The following SHROOM4 variants were observed in gnomAD, a reference collection of about 807,000 sequenced individuals.
SHROOM4 encodes the protein shroom family member 4, also known as protein Shroom4.
Under a neutral mutation model 80.3 loss-of-function variants are expected in SHROOM4, and 17 were observed. The ratio of observed to expected loss-of-function variants is 0.21; its 90% CI spans 0.14 to 0.32. The LOEUF is 0.32. SHROOM4 is among the 10% of genes least tolerant of loss of function. SHROOM4 has a pLI of 1.00. For missense variants in SHROOM4, 993 were observed against 1,140.3 expected, an observed-to-expected ratio of 0.87 and a Z score of 1.86; for synonymous variants, 400 against 437.5, an observed-to-expected ratio of 0.91 and a Z score of 1.07.
chrX:50,667,908 A>C (rs1932739523), intron 2 of SHROOM4, among the ~76,000 whole-genome samples: 1 of 111,423 alleles, frequency 9.0e-6, no homozygotes. Flanking sequence ...CACTATCCAG[A>C]GGACTGGGAG....
At chrX:50,604,695 T>C (rs1489728882) in intron 6 of SHROOM4, among the ~76,000 whole-genome samples, 7 of 112,097 alleles carry the variant, frequency 6.2e-5, no homozygotes, top group Non-Finnish European at 1.3e-4. Context: ...TACACATCCC[T>C]GCATCATATT....
chrX:50,745,252 C>T (rs1199816890), intron 1 of SHROOM4, among the ~76,000 whole-genome samples: 1 of 111,057 alleles, frequency 9.0e-6, no homozygotes, highest in Non-Finnish European at 1.9e-5. Context: ...ATATTCACTA[C>T]TATAATCTCT....
intron 6 of SHROOM4, among the ~76,000 whole-genome samples, chrX:50,605,858 A>G (rs1395724879): frequency 1.8e-5 from 2 of 112,622 alleles, no homozygotes; most frequent in African/African-American, 6.5e-5. Flanking sequence ...TGTCTGGTAT[A>G]TAAGAAATAC....
intron 1 of SHROOM4, among the ~76,000 whole-genome samples, chrX:50,801,261 G>GGAGAGAGAGAGAGAGAGAGAGAGGGA (rs1936113251): frequency 1.2e-5 from 1 of 81,530 alleles, no homozygotes; most frequent in African/African-American, 4.7e-5. Context: ...GAGAGAAAGA[G>GGAGAGAGAGAGAGAGAGAGAGAGGGA]GAGAGAGAGA....
At chrX:50,776,316 C>T (rs1466918148) in intron 1 of SHROOM4, among the ~76,000 whole-genome samples, 3 of 111,262 alleles carry the variant, frequency 2.7e-5, no homozygotes, top group Non-Finnish European at 5.7e-5. Context: ...CATATATATA[C>T]GTATATTTTA....
chrX:50,761,719 C>T (rs1371006558), intron 1 of SHROOM4, among the ~76,000 whole-genome samples: 2 of 111,054 alleles, frequency 1.8e-5, no homozygotes, highest in African/African-American at 3.3e-5. Context: ...TGCACCACCA[C>T]GCCTGGCTTT....
intron 2 of SHROOM4, among the ~76,000 whole-genome samples, chrX:50,666,103 C>G (rs781905377): frequency 8.9e-6 from 1 of 111,944 alleles, no homozygotes; most frequent in South Asian, 3.8e-4. Context: ...GAGTCAAACA[C>G]AGAGACTGAA....
chrX:50,795,154 T>TC (rs55719618), intron 1 of SHROOM4, among the ~76,000 whole-genome samples: 1 of 7,808 alleles, frequency 1.3e-4, no homozygotes, highest in African/African-American at 1.5e-4. Flanking sequence ...ATGATATATA[T>TC]ATATATATAT....
chrX:50,750,496 A>G (rs782437995), intron 1 of SHROOM4, among the ~76,000 whole-genome samples: 6 of 111,995 alleles, frequency 5.4e-5, no homozygotes, highest in Non-Finnish European at 1.1e-4. Context: ...TCCTGACCTC[A>G]GGTGATCCAC....
intron 5 of SHROOM4, among the ~76,000 whole-genome samples, chrX:50,612,882 A>T (rs557422023): frequency 1.8e-5 from 2 of 111,373 alleles, no homozygotes; most frequent in South Asian, 7.6e-4. Context: ...CCATAATACC[A>T]TCATTATCAT....
chrX:50,599,018 G>GTGTGTA (rs1416612292), intron 7 of SHROOM4, among the ~76,000 whole-genome samples: 2 of 108,236 alleles, frequency 1.8e-5, no homozygotes, highest in Non-Finnish European at 3.8e-5. Flanking sequence ...TTGTGTGTGT[G>GTGTGTA]TGTGTGTGTG....
chrX:50,735,051 C>T (rs1424092292), intron 1 of SHROOM4, among the ~76,000 whole-genome samples: 1 of 111,203 alleles, frequency 9.0e-6, no homozygotes, highest in Admixed American at 9.6e-5. Context: ...CAGCTGAGAA[C>T]AGACTAGTAC....
chrX:50,689,571 C>T (rs1933169774), intron 2 of SHROOM4, among the ~76,000 whole-genome samples: 1 of 111,579 alleles, frequency 9.0e-6, no homozygotes, highest in African/African-American at 3.3e-5. Flanking sequence ...AAGGGCATTC[C>T]TGATTGCTTA....
At chrX:50,797,547 CTG>C (rs1936041575) in intron 1 of SHROOM4, among the ~76,000 whole-genome samples, 1 of 111,825 alleles carries the variant, frequency 8.9e-6, no homozygotes, top group Non-Finnish European at 1.9e-5. Context: ...AGTGGTGAAA[CTG>C]GACAGATGAG....
intron 1 of SHROOM4, among the ~76,000 whole-genome samples, chrX:50,766,746 T>C (rs1935285039): frequency 9.0e-6 from 1 of 111,528 alleles, no homozygotes; most frequent in African/African-American, 3.3e-5. Flanking sequence ...AAAGGAATAG[T>C]TTTGCATAGT....
rs781996123 is a variant in SHROOM4, at chrX:50,664,426, G to A, written c.270-26118C>T. Reference sequence around the variant, plus strand: ...AGTATATTTTTATCTCAGGTTTAGTGTCTAATTACAGTTTCTGTCACTAAT... The same window carrying A: ...AGTATATTTTTATCTCAGGTTTAGTATCTAATTACAGTTTCTGTCACTAAT... On this transcript the variant is annotated intron_variant, in intron 2 of 8. Coordinates refer to ENST00000376020, the MANE Select transcript of SHROOM4 (RefSeq NM_020717.5). Among the ~76,000 whole-genome samples the A allele has an allele frequency of 3.6e-5, 4 of 111,791 alleles. No individual in the cohort carries two copies. In the South Asian group the frequency reaches 1.5e-3, roughly 42 times the overall value.
chrX:50,704,754 C>G (rs1933613342), intron 1 of SHROOM4, among the ~76,000 whole-genome samples: 1 of 111,138 alleles, frequency 9.0e-6, no homozygotes, highest in African/African-American at 3.3e-5. Context: ...AGCCTGTATA[C>G]CCTCCAGCAG....
intron 1 of SHROOM4, among the ~76,000 whole-genome samples, chrX:50,759,870 A>G (rs1351178569): frequency 1.8e-5 from 2 of 111,728 alleles, no homozygotes; most frequent in Non-Finnish European, 3.8e-5. Context: ...GAATTTCCCA[A>G]ATTTCCATCT....
At chrX:50,779,930 G>A (rs1343198918) in intron 1 of SHROOM4, among the ~76,000 whole-genome samples, 1 of 111,440 alleles carries the variant, frequency 9.0e-6, no homozygotes, top group African/African-American at 3.3e-5. Flanking sequence ...TTCATAGCAA[G>A]CGGTGGCAGC....
Sources: allele counts gnomAD v4.1 joint callset (sites outside exome capture counted in the v4.1 genomes callset), GRCh38; gene constraint gnomAD v4.1.1; transcripts MANE v1.5; gene names NCBI Gene and HGNC (gene_info 2026-07-23, HGNC 2026-07-21).